Variants in ROBO2 observed in about 807,000 individuals in gnomAD.
ROBO2 encodes the protein roundabout homolog 2.
A neutral mutation model predicts 160.8 loss-of-function variants in ROBO2; 53 were observed. The ratio of observed to expected loss-of-function variants is 0.33; its 90% CI spans 0.26 to 0.41. ROBO2 has a LOEUF of 0.41. Ranked by LOEUF, ROBO2 falls within the 10% of genes least tolerant of loss-of-function variation. The pLI is 1.00. For missense variants in ROBO2, 1,577 were observed against 1,722.4 expected (o/e 0.92, Z 1.49); for synonymous variants, 664 against 611.7 (o/e 1.09, Z -1.26).
intron 2 of ROBO2, among the ~76,000 whole-genome samples, chr3:76,514,032 GT>G (rs1286768164): frequency 6.6e-6 from 1 of 152,046 alleles, no homozygotes; most frequent in Non-Finnish European, 1.5e-5. Flanking sequence ...ACTTTAATTA[GT>G]GTCTTCATTG....
chr3:77,644,616 C>T, intron 24 of ROBO2, 88 bp from the exon 27 acceptor site: 1 of 1,098,820 alleles, frequency 9.1e-7, no homozygotes, highest in Middle Eastern at 2.9e-4. Flanking sequence ...GTAAAGTAGG[C>T]CATTCACAGT....
chr3:76,344,636 G>A (rs992546385), intron 2 of ROBO2, among the ~76,000 whole-genome samples: 1 of 152,130 alleles, frequency 6.6e-6, no homozygotes, highest in African/African-American at 2.4e-5. Context: ...TGGATAAAAA[G>A]AAGAGGAACA....
chr3:77,097,232 T>C (rs1168026984), intron 1 of ROBO2, among the ~76,000 whole-genome samples: 1 of 152,224 alleles, frequency 6.6e-6, no homozygotes, highest in African/African-American at 2.4e-5. Flanking sequence ...GCTGATGGTA[T>C]CTCTTGGCAT....
chr3:75,977,175 A>G (rs1211757726), intron 2 of ROBO2, among the ~76,000 whole-genome samples: 1 of 151,602 alleles, frequency 6.6e-6, no homozygotes, highest in Non-Finnish European at 1.5e-5. Context: ...TAACGAAGGG[A>G]ATTCTCACCT....
intron 16 of ROBO2, among the ~76,000 whole-genome samples, chr3:77,582,939 G>A (rs1478276664): frequency 1.3e-5 from 2 of 151,752 alleles, no homozygotes; most frequent in African/African-American, 4.8e-5. Flanking sequence ...TCAGGAGTTC[G>A]AGACCAGCTG....
intron 2 of ROBO2, among the ~76,000 whole-genome samples, chr3:76,368,652 C>G (rs1396668134): frequency 6.6e-6 from 1 of 151,930 alleles, no homozygotes; most frequent in African/African-American, 2.4e-5. Context: ...GAAATGGAAG[C>G]TGCCTATTTC....
intron 5 of ROBO2, among the ~76,000 whole-genome samples, chr3:77,503,972 A>G (rs146074055): frequency 1.7e-4 from 26 of 152,342 alleles, no homozygotes; most frequent in African/African-American, 5.3e-4. Context: ...ATTTCAGGGT[A>G]TACCCTGATC....
chr3:76,830,440 C>A (rs1294059347), intron 2 of ROBO2, among the ~76,000 whole-genome samples: 1 of 152,070 alleles, frequency 6.6e-6, no homozygotes, highest in Non-Finnish European at 1.5e-5. Flanking sequence ...ATAATTTCAA[C>A]AAAATACCCT....
chr3:76,723,395 C>T (rs993816495), intron 2 of ROBO2, among the ~76,000 whole-genome samples: 4 of 152,054 alleles, frequency 2.6e-5, no homozygotes, highest in Admixed American at 2.6e-4. Context: ...GAAAAAAATC[C>T]ATAAACATAA....
chr3:76,567,796 T>TAC lies in ROBO2; in HGVS notation c.110-530218_110-530217insAC, dbSNP rs1225230594. The stretch of plus-strand genomic sequence containing the variant: ...GTGTGTGTGTGTGTGTGTGTGTGTG[T>TAC]GTATATATATATTTTTTTTTTTTTT... On this transcript the variant is annotated intron_variant, in intron 2 of 26. Transcript: ENST00000487694. 4.2e-4 allele frequency among the ~76,000 whole-genome samples: 33 copies of TAC among 79,182 alleles called. 2 individuals are homozygous for TAC. In the South Asian group the frequency reaches 7.0e-3, roughly 17 times the overall value. 51.9% of individuals were successfully genotyped at this position (79,182 alleles called of 152,430 possible).
intron 2 of ROBO2, among the ~76,000 whole-genome samples, chr3:76,471,384 T>A (rs1003098817): frequency 1.3e-5 from 2 of 152,152 alleles, no homozygotes; most frequent in African/African-American, 4.8e-5. Context: ...ATGTCCTTTC[T>A]GAATGGTTCA....
At chr3:76,338,095 T>C (rs1233093722) in intron 2 of ROBO2, among the ~76,000 whole-genome samples, 1 of 152,158 alleles carries the variant, frequency 6.6e-6, no homozygotes, top group Non-Finnish European at 1.5e-5. Context: ...AAGTGCCTAA[T>C]AGCTTCTAGT....
At chr3:76,253,604 C>A (rs1476656332) in intron 2 of ROBO2, among the ~76,000 whole-genome samples, 1 of 148,626 alleles carries the variant, frequency 6.7e-6, no homozygotes, top group Non-Finnish European at 1.5e-5. Context: ...TATCTAGTTG[C>A]CATAATTTAC....
intron 2 of ROBO2, among the ~76,000 whole-genome samples, chr3:76,043,868 G>A (rs377219645): frequency 1.3e-5 from 2 of 151,984 alleles, no homozygotes; most frequent in African/African-American, 4.8e-5. Flanking sequence ...ATTGTCTTCG[G>A]ATCACTTTGC....
At chr3:77,314,964 G>A (rs545891089) in intron 2 of ROBO2, among the ~76,000 whole-genome samples, 3 of 152,094 alleles carry the variant, frequency 2.0e-5, no homozygotes, top group Admixed American at 1.3e-4. Flanking sequence ...TGGAAGTTTC[G>A]TATTTATCTC....
At chr3:76,531,616 GTTTC>G (rs2082232269) in intron 2 of ROBO2, among the ~76,000 whole-genome samples, 4 of 119,890 alleles carry the variant, frequency 3.3e-5, no homozygotes, top group Non-Finnish European at 3.5e-5. Flanking sequence ...TGTTTGTACA[GTTTC>G]TTTTTTTTTT....
At chr3:76,744,520 C>T (rs149020314) in intron 2 of ROBO2, among the ~76,000 whole-genome samples, 5 of 152,020 alleles carry the variant, frequency 3.3e-5, no homozygotes, top group Admixed American at 6.6e-5. Flanking sequence ...CTACCATGAC[C>T]GGCTAATTTT....
chr3:76,388,169 T>C (rs1438601703), intron 2 of ROBO2, among the ~76,000 whole-genome samples: 2 of 152,200 alleles, frequency 1.3e-5, no homozygotes, highest in East Asian at 1.9e-4. Flanking sequence ...TAATTTTAAC[T>C]TTTAGTAATA....
At chr3:76,895,765 T>C (rs1431247981) in intron 2 of ROBO2, among the ~76,000 whole-genome samples, 1 of 152,192 alleles carries the variant, frequency 6.6e-6, no homozygotes, top group African/African-American at 2.4e-5. Context: ...AGGAAGATAG[T>C]TTTCATTTAC....
Sources: gnomAD v4.1 joint callset for allele counts (sites outside exome capture counted in the v4.1 genomes callset) on GRCh38, gnomAD v4.1.1 for gene constraint, MANE v1.5 for transcripts, NCBI Gene and HGNC (gene_info 2026-07-23, HGNC 2026-07-21) for gene names.